DNMT1: variants seen among roughly 807,000 people sequenced by gnomAD.
DNMT1 encodes DNA (cytosine-5)-methyltransferase 1.
A neutral mutation model predicts 205.3 loss-of-function variants in DNMT1; 24 were observed. The observed-to-expected ratio is 0.12, with a 90% confidence interval of 0.08 to 0.16. DNMT1 has a LOEUF of 0.16. DNMT1 is among the 10% of genes least tolerant of loss of function. DNMT1 has a pLI of 1.00. For missense variants in DNMT1, 1,293 were observed against 2,177.7 expected, an observed-to-expected ratio of 0.59 and a Z score of 8.09; for synonymous variants, 817 against 839.8, an observed-to-expected ratio of 0.97 and a Z score of 0.47.
chr19:10,163,857 A>G (rs2038631120), intron 11 of DNMT1, among the ~76,000 whole-genome samples: 1 of 152,170 alleles, frequency 6.6e-6, no homozygotes. Flanking sequence ...AGCCTGGGCA[A>G]CATGCTGAGA....
intron 27 of DNMT1, among the ~76,000 whole-genome samples, chr19:10,147,167 C>T (rs1446986224): frequency 6.6e-6 from 1 of 152,038 alleles, no homozygotes; most frequent in African/African-American, 2.4e-5. Context: ...GAGGCTGAGG[C>T]AGGAAGATCA....
intron 40 of DNMT1, 95 bp downstream of exon 40, chr19:10,134,122 G>C: frequency 7.2e-7 from 1 of 1,383,766 alleles, no homozygotes; most frequent in East Asian, 2.3e-5. Flanking sequence ...ACCCGCCTGA[G>C]TCCCAGAGCC....
Position 10,151,528 on chromosome 19 carries a change from A to G in DNMT1, c.2135T>C (p.Met712Thr). The change falls in exon 24 of 41, where the codon ATG becomes ACG. Residue 712 changes from methionine (M) to threonine (T), a missense_variant. Transcript: ENST00000359526. The surrounding 1 kb of genome is among the most constrained non-coding windows in gnomAD (Gnocchi z 5.0). ...CQERRCPNMA[M>T]KEADDDEEVD... ...TTCCTCATCGTCATCTGCCTCCTTC[A>G]TGGCCATATTGGGACACCTGCAATG... 1 of 1,613,822 alleles carries G rather than the reference A, an allele frequency of 6.2e-7. No homozygotes were observed. The highest frequency in any genetic ancestry group is 8.5e-7 in the Non-Finnish European group (1 of 1,180,014).
chr19:10,141,395 G>C (rs1459285696), intron 30 of DNMT1: 7 of 590,272 alleles, frequency 1.2e-5, no homozygotes, highest in African/African-American at 1.9e-5. Flanking sequence ...TGATCTGGCT[G>C]ACACTGAAAT....
intron 1 of DNMT1, among the ~76,000 whole-genome samples, chr19:10,183,582 G>C (rs1599402629): frequency 6.6e-6 from 1 of 152,176 alleles, no homozygotes; most frequent in Non-Finnish European, 1.5e-5. Flanking sequence ...GTGGCTGGGC[G>C]TGGTGGCTGA....
At chr19:10,142,962 G>A (rs2089631836) in intron 29 of DNMT1, 1 of 153,656 alleles carries the variant, frequency 6.5e-6, no homozygotes, top group African/African-American at 2.4e-5. Context: ...AAAGGCTTCA[G>A]GAAATCTTTG....
In DNMT1 at chr19:10,138,794, A is replaced by G. The variant is rs1443107361; in HGVS notation, c.3949-189T>C. 6.6e-6 allele frequency among the ~76,000 whole-genome samples: 1 copy of G among 152,194 alleles called. No homozygotes were observed. The highest frequency in any genetic ancestry group is 1.5e-5 in the Non-Finnish European group (1 of 68,036). On this transcript the variant is annotated intron_variant, in intron 34 of 40. Coordinates refer to ENST00000359526, the MANE Select transcript of DNMT1 (RefSeq NM_001130823.3). The surrounding 1 kb of genome is among the most constrained non-coding windows in gnomAD (Gnocchi z 4.1). ...AGGAGTTTGGAGCAGATAAAGAACA[A>G]AAGCAGCTGAGCCCAGGGGACAGCC... is the stretch of plus-strand genomic sequence containing the variant.
chr19:10,187,401 G>C (rs1015867452), intron 1 of DNMT1, among the ~76,000 whole-genome samples: 3 of 151,944 alleles, frequency 2.0e-5, no homozygotes, highest in Non-Finnish European at 4.4e-5. Flanking sequence ...CCAGGAATTC[G>C]AGACTAGCCT....
intron 34 of DNMT1, among the ~76,000 whole-genome samples, 194 bp downstream of exon 34, chr19:10,139,482 C>T (rs569755657): frequency 1.3e-5 from 2 of 152,368 alleles, no homozygotes; most frequent in African/African-American, 2.4e-5. Context: ...GAGACACTAG[C>T]GGTGGACTTG....
At chr19:10,144,769 T>C (rs2089667861) in intron 28 of DNMT1, 1 of 152,266 alleles carries the variant, frequency 6.6e-6, no homozygotes, top group African/African-American at 2.4e-5. Context: ...TGAGAGAGTT[T>C]CACTCTGTCA....
chr19:10,135,470 G>C (rs1298099611), intron 39 of DNMT1: 7 of 513,634 alleles, frequency 1.4e-5, no homozygotes, highest in Non-Finnish European at 2.1e-5. Flanking sequence ...ATGGGTTTTA[G>C]CCTGCTCCTT....
intron 27 of DNMT1, 104 bp downstream of exon 27, chr19:10,148,780 C>A: frequency 1.3e-6 from 2 of 1,598,324 alleles, no homozygotes; most frequent in South Asian, 1.1e-5. Context: ...GAGACACAAA[C>A]TGGGGGGCCG....
intron 9 of DNMT1, 136 bp from the exon 10 acceptor site, chr19:10,168,500 G>A: frequency 1.2e-6 from 1 of 849,792 alleles, no homozygotes. Context: ...CTACCAGTGG[G>A]CACAGTAGCT....
chr19:10,179,381 C>A (rs537804061), intron 5 of DNMT1, among the ~76,000 whole-genome samples: 1 of 151,756 alleles, frequency 6.6e-6, no homozygotes, highest in Non-Finnish European at 1.5e-5. Context: ...TACAGACACC[C>A]GCCACCACGT....
At chr19:10,134,705 CTAAT>C (rs1458426597) in intron 39 of DNMT1, among the ~76,000 whole-genome samples, 2 of 150,324 alleles carry the variant, frequency 1.3e-5, no homozygotes, top group Non-Finnish European at 3.0e-5. Context: ...AGTACAAAAA[CTAAT>C]TAGCTGGGCA....
Position 10,146,341 on chromosome 19 carries a change from G to T in DNMT1, c.2894+10C>A. ...CGCCCTGGCCCCGGCTGCTCCGAGG[G>T]GGCACTTACTTGAACGTGAAGGCCT... On this transcript the variant is annotated intron_variant, in intron 28 of 40. Transcript: ENST00000359526. The surrounding 1 kb of genome is among the most constrained non-coding windows in gnomAD (Gnocchi z 4.4). 3 of 1,613,764 alleles carry T rather than the reference G, an allele frequency of 1.9e-6. No individual in the cohort carries two copies. Among genetic ancestry groups the T allele is most frequent in the Non-Finnish European group, 2.5e-6 (3 of 1,179,960 alleles).
intron 1 of DNMT1, among the ~76,000 whole-genome samples, chr19:10,187,767 C>T (rs1327008875): frequency 6.6e-6 from 1 of 152,018 alleles, no homozygotes; most frequent in East Asian, 1.9e-4. Context: ...ACTCAGGAGG[C>T]TGAGGCGGGA....
intron 19 of DNMT1, 37 bp from the exon 20 acceptor site, chr19:10,155,093 A>G (rs550725905): frequency 1.9e-6 from 3 of 1,613,144 alleles, no homozygotes; most frequent in Admixed American, 3.3e-5. Context: ...AAGGGGCTGG[A>G]ATCTGATGGC....
chr19:10,161,274 C>T lies in DNMT1; in HGVS notation c.1009-856G>A, dbSNP rs549968389. Among the ~76,000 whole-genome samples, 6 of 152,184 alleles carry T rather than the reference C, an allele frequency of 3.9e-5. No homozygotes were observed. In the East Asian group the frequency reaches 9.7e-4, roughly 25 times the overall value. ...GAGCCGATGTCGCACCACTGTACTC[C>T]AGCCTGGCGGCAGAGCGAGACTCTG... On this transcript the variant is annotated intron_variant, in intron 13 of 40. Coordinates refer to ENST00000359526, the MANE Select transcript of DNMT1 (RefSeq NM_001130823.3).
Sources: allele counts gnomAD v4.1 joint callset (sites outside exome capture counted in the v4.1 genomes callset), GRCh38; gene constraint gnomAD v4.1.1; non-coding constraint Gnocchi (gnomAD v3.1); transcripts MANE v1.5; gene names NCBI Gene and HGNC (gene_info 2026-07-23, HGNC 2026-07-21).